The following CNTLN variants were observed in gnomAD, a reference collection of about 807,000 sequenced individuals.
CNTLN encodes the protein centlein, also known as centlein, centrosomal protein.
A neutral mutation model predicts 180.0 loss-of-function variants in CNTLN; 212 were observed. That is an observed-to-expected ratio of 1.18 (90% CI 1.05 to 1.32). The LOEUF (loss-of-function observed/expected upper bound fraction) is 1.32. Among genes scored for constraint, CNTLN ranks in the 40% most tolerant of loss-of-function variants. The probability of loss-of-function intolerance (pLI) is 0.00; values close to 1 mark genes in which losing one functional copy is unlikely to be tolerated. For synonymous variants in CNTLN, 722 were observed against 563.1 expected, an observed-to-expected ratio of 1.28 and a Z score of -3.99; for missense variants, 2,095 against 1,610.9, an observed-to-expected ratio of 1.30 and a Z score of -5.14.
At chr9:17,135,493 C>T in intron 1 of CNTLN, 68 bp downstream of exon 1, 1 of 1,509,566 alleles carries the variant, frequency 6.6e-7, no homozygotes, top group Non-Finnish European at 8.8e-7. Flanking sequence ...GGAGGCGCGC[C>T]TTTCTCCCTC....
intron 5 of CNTLN, among the ~76,000 whole-genome samples, chr9:17,268,467 A>T (rs2132460235): frequency 6.6e-6 from 1 of 152,270 alleles, no homozygotes; most frequent in Non-Finnish European, 1.5e-5. Flanking sequence ...GGTGCCTCCC[A>T]GTTAGGCTGC....
intron 2 of CNTLN, among the ~76,000 whole-genome samples, chr9:17,210,341 G>T (rs995516191): frequency 6.6e-6 from 1 of 152,104 alleles, no homozygotes; most frequent in African/African-American, 2.4e-5. Context: ...GCGATAGTTT[G>T]CTGAGAATGA....
intron 12 of CNTLN, among the ~76,000 whole-genome samples, chr9:17,350,602 TA>T (rs1217126133): frequency 2.0e-5 from 3 of 152,236 alleles, no homozygotes; most frequent in East Asian, 1.9e-4. Context: ...CTGGGTGGCT[TA>T]ACAGACATGC....
At chr9:17,305,950 T>C (rs1818673172) in intron 7 of CNTLN, among the ~76,000 whole-genome samples, 2 of 152,146 alleles carry the variant, frequency 1.3e-5, no homozygotes, top group South Asian at 4.1e-4. Context: ...TGTTCTGGGC[T>C]TTCTCAGTTC....
chr9:17,316,133 T>C (rs938763603), intron 8 of CNTLN, among the ~76,000 whole-genome samples: 1 of 152,008 alleles, frequency 6.6e-6, no homozygotes, highest in African/African-American at 2.4e-5. Flanking sequence ...TAAGTGCATG[T>C]ATTTTTATAA....
chr9:17,473,415 C>T (rs1287664112), intron 23 of CNTLN, among the ~76,000 whole-genome samples: 1 of 152,060 alleles, frequency 6.6e-6, no homozygotes. Context: ...TCCCTTCCCT[C>T]CTATTGGGAA....
the CNTLN span, among the ~76,000 whole-genome samples, chr9:17,525,060 G>C: frequency 1.3e-5 from 2 of 152,108 alleles, no homozygotes; most frequent in African/African-American, 4.8e-5. Context: ...CATAGACATT[G>C]TTGGACATTT....
At chr9:17,368,757 T>C (rs1374143444) in intron 13 of CNTLN, among the ~76,000 whole-genome samples, 1 of 152,132 alleles carries the variant, frequency 6.6e-6, no homozygotes, top group South Asian at 2.1e-4. Context: ...AGGCAGTAGT[T>C]CTAGAAGTCG....
chr9:17,441,409 T>A (rs1219980060), intron 18 of CNTLN, among the ~76,000 whole-genome samples: 2 of 152,074 alleles, frequency 1.3e-5, no homozygotes, highest in Non-Finnish European at 2.9e-5. Flanking sequence ...ATGTAATTTG[T>A]TTCACCAAAT....
chr9:17,485,009 A>G (rs1236827243), intron 24 of CNTLN, among the ~76,000 whole-genome samples: 1 of 152,162 alleles, frequency 6.6e-6, no homozygotes, highest in African/African-American at 2.4e-5. Context: ...GTGAATTTAT[A>G]TGCATACAGG....
At chr9:17,384,800 C>A (rs1587844308) in intron 13 of CNTLN, among the ~76,000 whole-genome samples, 5 of 152,178 alleles carry the variant, frequency 3.3e-5, no homozygotes, top group Admixed American at 3.3e-4. Flanking sequence ...TTTTTACTCA[C>A]AATACTTCTG....
At chr9:17,435,369 C>T (rs1206030867) in intron 18 of CNTLN, among the ~76,000 whole-genome samples, 2 of 152,152 alleles carry the variant, frequency 1.3e-5, no homozygotes, top group Non-Finnish European at 2.9e-5. Context: ...TATTTTTATA[C>T]TGCATTTGCA....
chr9:17,528,031 T>C, the CNTLN span, among the ~76,000 whole-genome samples: 1 of 151,800 alleles, frequency 6.6e-6, no homozygotes, highest in African/African-American at 2.4e-5. Flanking sequence ...AATACCTGAA[T>C]ATATGGAGAA....
intron 2 of CNTLN, among the ~76,000 whole-genome samples, chr9:17,182,641 A>AT (rs201316279): frequency 0.019 from 2,914 of 152,322 alleles, 60 homozygotes; most frequent in African/African-American, 0.05. Flanking sequence ...TTAGAGTAAG[A>AT]TTAAAAAGTT....
rs1401023075 is a variant in CNTLN, at chr9:17,389,739, TATA to T, written c.2079+1487_2079+1489del. ...ATTTGTATATAGTAGAAATGAAACA[TATA>T]TGCAGATTATTTTGAAAATAATATA... On this transcript the variant is annotated intron_variant, in intron 14 of 25. Transcript: ENST00000380647. Among the ~76,000 whole-genome samples, 63 of 6,224 alleles carry T rather than the reference TATA, an allele frequency of 0.01. No homozygotes were observed. The East Asian group carries it at 0.21, about 20-fold the overall frequency. 4.1% of individuals were successfully genotyped at this position (6,224 alleles called of 152,430 possible).
chr9:17,235,606 C>G (rs1825092575), intron 3 of CNTLN, 52 bp from the exon 4 acceptor site: 2 of 1,376,234 alleles, frequency 1.5e-6, no homozygotes, highest in African/African-American at 1.6e-5. Context: ...AAATAAAATA[C>G]TGTTTTTCTT....
intron 15 of CNTLN, among the ~76,000 whole-genome samples, chr9:17,408,582 A>G (rs1009026841): frequency 6.6e-6 from 1 of 151,876 alleles, no homozygotes; most frequent in Non-Finnish European, 1.5e-5. Flanking sequence ...CGGGCAGATC[A>G]CGAGGTCAGG....
intron 2 of CNTLN, among the ~76,000 whole-genome samples, chr9:17,190,651 A>G (rs1210678100): frequency 1.3e-5 from 2 of 152,164 alleles, no homozygotes; most frequent in Admixed American, 1.3e-4. Context: ...TTATGCAAAA[A>G]CATCTCTTTT....
At position 17,366,665 on chromosome 9, in the gene CNTLN, T is replaced by A. The variant is rs1823850414; in HGVS notation, c.1935T>A (p.Ile645=). 6.3e-7 allele frequency: 1 copy of A among 1,590,798 alleles called. No homozygotes were observed. The highest frequency in any genetic ancestry group is 2.3e-5 in the East Asian group (1 of 44,136). Residue 645 remains isoleucine, a synonymous_variant, in exon 13 of 26, where the codon ATT becomes ATA. Coordinates refer to ENST00000380647, the MANE Select transcript of CNTLN (RefSeq NM_017738.4). ...ELDELKVHIS[I]DKAAIQELNR... is the part of the protein sequence containing the mutation. ...ATGAACTTAAAGTACATATATCTAT[T>A]GATAAGGCAGCAATACAAGAATTGA...
Sources: gnomAD v4.1 joint callset for allele counts (sites outside exome capture counted in the v4.1 genomes callset) on GRCh38, gnomAD v4.1.1 for gene constraint, MANE v1.5 for transcripts, NCBI Gene and HGNC (gene_info 2026-07-23, HGNC 2026-07-21) for gene names.